Variants in PDZD2 observed in about 807,000 individuals in gnomAD.
PDZD2 encodes PDZ domain containing 2.
A neutral mutation model predicts 220.7 loss-of-function variants in PDZD2; 90 were observed. The observed-to-expected ratio is 0.41, with a 90% CI of 0.34 to 0.49. The LOEUF is 0.49. PDZD2 is among the 20% of genes least tolerant of loss of function. The pLI is 0.28. For synonymous variants in PDZD2, 1,375 were observed against 1,450.5 expected (o/e 0.95, Z 1.18); for missense variants, 3,174 against 3,608.5 (o/e 0.88, Z 3.08).
chr5:31,919,646 G>A (rs1220960486), intron 2 of PDZD2, among the ~76,000 whole-genome samples: 7 of 146,542 alleles, frequency 4.8e-5, no homozygotes, highest in Non-Finnish European at 7.4e-5. Flanking sequence ...GCGCCCGGCC[G>A]TCTCTCTCTT....
chr5:31,970,703 T>TG (rs1466488819), intron 2 of PDZD2, among the ~76,000 whole-genome samples: 1 of 152,044 alleles, frequency 6.6e-6, no homozygotes, highest in Non-Finnish European at 1.5e-5. Context: ...CAGGAACACA[T>TG]GGGTTCTCTA....
intron 2 of PDZD2, among the ~76,000 whole-genome samples, chr5:31,968,623 C>T (rs534682274): frequency 2.8e-4 from 42 of 152,142 alleles, no homozygotes; most frequent in Non-Finnish European, 1.6e-4. Context: ...CCACTGCACT[C>T]TAACCTGGGC....
chr5:32,039,949 C>T (rs62361265), intron 7 of PDZD2, among the ~76,000 whole-genome samples: 37 of 138,454 alleles, frequency 2.7e-4, no homozygotes, highest in African/African-American at 1.0e-3. Flanking sequence ...CCCAGCTGCC[C>T]GAATGGGAAG....
chr5:31,731,436 T>A (rs1749530071), intron 1 of PDZD2, among the ~76,000 whole-genome samples: 1 of 152,192 alleles, frequency 6.6e-6, no homozygotes, highest in Non-Finnish European at 1.5e-5. Flanking sequence ...ATTTTCATCA[T>A]CCCTCAAAAG....
In PDZD2 at chr5:32,098,667, T is replaced by TGAGCTACTGCAGAAAGAG. The variant is rs755837754; in HGVS notation, c.8218+37_8218+54dup. 104 of 1,585,568 alleles carry TGAGCTACTGCAGAAAGAG rather than the reference T, an allele frequency of 6.6e-5. 2 individuals are homozygous for TGAGCTACTGCAGAAAGAG. In the South Asian group the frequency reaches 1.1e-3, roughly 17 times the overall value. On this transcript the variant is annotated intron_variant, in intron 23 of 24. Coordinates refer to ENST00000438447, the MANE Select transcript of PDZD2 (RefSeq NM_178140.4). This position sits in a 1 kb window ranked among gnomAD's most constrained non-coding sequence, Gnocchi z 4.1. ...GATCATTTCAACAACCAGCAGGCTG[T>TGAGCTACTGCAGAAAGAG]GAGCTACTGCAGAAAGAGGAGATTC...
intron 6 of PDZD2, among the ~76,000 whole-genome samples, chr5:32,022,186 T>TG (rs1754256406): frequency 6.3e-5 from 2 of 31,546 alleles, no homozygotes; most frequent in African/African-American, 8.6e-5. Context: ...TGTTTTTTTG[T>TG]TTTTTTGTTT....
At position 31,734,194 on chromosome 5, in the gene PDZD2, G is replaced by A. The variant is rs1382092691; in HGVS notation, c.-360-64695G>A. On this transcript the variant is annotated intron_variant, in intron 1 of 24. Coordinates refer to ENST00000438447, the MANE Select transcript of PDZD2 (RefSeq NM_178140.4). Reference sequence around the variant, plus strand: ...AACAGCCAGATGAAGAGATGCATAGGGCGAGGTATGGGGGAAAGGGTGCAG... The same window carrying A: ...AACAGCCAGATGAAGAGATGCATAGAGCGAGGTATGGGGGAAAGGGTGCAG... Among the ~76,000 whole-genome samples the A allele has an allele frequency of 3.9e-5, 6 of 152,174 alleles. No homozygotes were observed. The East Asian group carries it at 1.2e-3, about 29-fold the overall frequency.
At chr5:31,666,875 C>T (rs1447404443) in intron 1 of PDZD2, among the ~76,000 whole-genome samples, 2 of 152,154 alleles carry the variant, frequency 1.3e-5, no homozygotes, top group African/African-American at 2.4e-5. Context: ...GGGTGGTCCT[C>T]AGTGTTTCTT....
intron 1 of PDZD2, among the ~76,000 whole-genome samples, chr5:31,764,535 A>T (rs1751867922): frequency 6.6e-6 from 1 of 152,138 alleles, no homozygotes; most frequent in East Asian, 1.9e-4. Context: ...AACTTTCTTC[A>T]TCTTCTTTAG....
At chr5:31,891,079 T>C (rs541813931) in intron 2 of PDZD2, among the ~76,000 whole-genome samples, 56 of 151,578 alleles carry the variant, frequency 3.7e-4, no homozygotes, top group Non-Finnish European at 7.1e-4. Context: ...TCATTCTCGC[T>C]GCTTCCTCTC....
intron 1 of PDZD2, among the ~76,000 whole-genome samples, chr5:31,720,607 C>G (rs1029206562): frequency 1.3e-5 from 2 of 152,142 alleles, no homozygotes; most frequent in Admixed American, 6.5e-5. Flanking sequence ...CATTTTCATG[C>G]TTAGGTTTAA....
At position 31,898,985 on chromosome 5, in the gene PDZD2, C is replaced by G. The variant is rs369057581; in HGVS notation, c.477-84170C>G. Among the ~76,000 whole-genome samples, 52 of 151,542 alleles carry G rather than the reference C, an allele frequency of 3.4e-4. 1 individual carries two copies. In the East Asian group the frequency reaches 9.2e-3, roughly 27 times the overall value. ...TGGGACTATAGGCGCCCGCCACCACCCCCAGCTATTTTTTTTGTATTTTAG... is the reference window on the plus strand; with the variant it reads ...TGGGACTATAGGCGCCCGCCACCACGCCCAGCTATTTTTTTTGTATTTTAG... On this transcript the variant is annotated intron_variant, in intron 2 of 24. Coordinates refer to ENST00000438447, the MANE Select transcript of PDZD2 (RefSeq NM_178140.4).
At chr5:32,102,211 T>C (rs1348102808) in intron 24 of PDZD2, among the ~76,000 whole-genome samples, 1 of 152,056 alleles carries the variant, frequency 6.6e-6, no homozygotes, top group South Asian at 2.1e-4. Flanking sequence ...CGCTGCATCC[T>C]TGGGGCCCAG....
chr5:31,724,527 G>A (rs1224340151), intron 1 of PDZD2, among the ~76,000 whole-genome samples: 6 of 150,842 alleles, frequency 4.0e-5, no homozygotes, highest in Non-Finnish European at 7.4e-5. Context: ...GCTTGAACCC[G>A]GGAGGTGGAG....
At chr5:31,819,724 T>C (rs1026239116) in intron 2 of PDZD2, among the ~76,000 whole-genome samples, 6 of 151,792 alleles carry the variant, frequency 4.0e-5, no homozygotes, top group Admixed American at 3.3e-4. Flanking sequence ...TGTATGAGTA[T>C]ATGTAATGGA....
intron 6 of PDZD2, among the ~76,000 whole-genome samples, chr5:32,017,811 T>C (rs1397390911): frequency 2.0e-5 from 3 of 151,948 alleles, no homozygotes; most frequent in Non-Finnish European, 2.9e-5. Context: ...AAGAAATAAG[T>C]GGGATATAAG....
intron 5 of PDZD2, among the ~76,000 whole-genome samples, chr5:32,004,238 G>A (rs1752633797): frequency 6.6e-6 from 1 of 152,138 alleles, no homozygotes; most frequent in Non-Finnish European, 1.5e-5. Context: ...TGTACCAGGT[G>A]CCCACAGGGT....
At chr5:32,064,125 G>A (rs903171996) in intron 14 of PDZD2, among the ~76,000 whole-genome samples, 1 of 152,072 alleles carries the variant, frequency 6.6e-6, no homozygotes, top group Non-Finnish European at 1.5e-5. Flanking sequence ...TTGTACAGTT[G>A]CCTTTAACTT....
chr5:31,691,615 C>G (rs1390825444), intron 1 of PDZD2, among the ~76,000 whole-genome samples: 1 of 151,922 alleles, frequency 6.6e-6, no homozygotes, highest in African/African-American at 2.4e-5. Context: ...TCTTATCTGG[C>G]CCCTGCTGAT....
Sources: allele counts gnomAD v4.1 joint callset (sites outside exome capture counted in the v4.1 genomes callset), GRCh38; gene constraint gnomAD v4.1.1; non-coding constraint Gnocchi (gnomAD v3.1); transcripts MANE v1.5; gene names NCBI Gene and HGNC (gene_info 2026-07-23, HGNC 2026-07-21).